RIC8B: variants seen among roughly 807,000 people sequenced by gnomAD.
RIC8B encodes the protein RIC8 guanine nucleotide exchange factor B.
A neutral mutation model predicts 57.5 loss-of-function variants in RIC8B; 16 were observed. The ratio of observed to expected loss-of-function variants is 0.28; its 90% CI spans 0.19 to 0.42. The LOEUF (loss-of-function observed/expected upper bound fraction) is 0.42. Among genes scored for constraint, RIC8B ranks in the 10% least tolerant of loss-of-function variants. The pLI is 1.00. For missense variants in RIC8B, 481 were observed against 677.0 expected (o/e 0.71, Z 3.21); for synonymous variants, 216 against 250.8 (o/e 0.86, Z 1.31).
chr12:106,787,603 CATG>C (rs960619010), intron 2 of RIC8B, among the ~76,000 whole-genome samples: 2 of 152,068 alleles, frequency 1.3e-5, no homozygotes, highest in African/African-American at 4.8e-5. Flanking sequence ...GCCTCAGAAT[CATG>C]GTGGGAGGTG....
intron 2 of RIC8B, among the ~76,000 whole-genome samples, chr12:106,810,303 AAAG>A (rs1488713398): frequency 2.7e-5 from 4 of 150,486 alleles, no homozygotes; most frequent in East Asian, 3.9e-4. Context: ...AAAAAAAAAA[AAAG>A]AAAGAAAAGA....
intron 3 of RIC8B, among the ~76,000 whole-genome samples, chr12:106,822,077 C>CAAAA (rs67378158): frequency 3.3e-3 from 125 of 38,018 alleles, no homozygotes; most frequent in African/African-American, 5.2e-3. Context: ...GACTCCATCT[C>CAAAA]AAAAAAAAAA....
intron 9 of RIC8B, among the ~76,000 whole-genome samples, chr12:106,883,694 T>C (rs1481522364): frequency 7.0e-6 from 1 of 143,878 alleles, no homozygotes; most frequent in Non-Finnish European, 1.6e-5. Context: ...GTCTGTCTCC[T>C]CCCCCACACA....
chr12:106,879,587 C>T lies in RIC8B; in HGVS notation c.1572-6317C>T. 14 of 985,134 alleles carry T rather than the reference C, an allele frequency of 1.4e-5. No homozygotes were observed. Among genetic ancestry groups the T allele is most frequent in the Non-Finnish European group, 1.7e-5 (14 of 829,826 alleles). 61.0% of individuals were successfully genotyped at this position (985,134 alleles called of 1,614,324 possible). On this transcript the variant is annotated intron_variant, in intron 9 of 9. Transcript: ENST00000392837. The surrounding 1 kb of genome is among the most constrained non-coding windows in gnomAD (Gnocchi z 4.9). The stretch of plus-strand genomic sequence containing the variant: ...AATATGGTGTAAATTCCGTATCTCC[C>T]ATCCCTAGCTCTTTAAGAAATTATT...
At position 106,815,058 on chromosome 12, in the gene RIC8B, G is replaced by A. The variant is rs144622945; in HGVS notation, c.495G>A (p.Leu165=). The A allele has an allele frequency of 1.1e-5, 18 of 1,614,228 alleles. No homozygotes were observed. The African/African-American group carries it at 2.1e-4, about 19-fold the overall frequency. ...TCAATGACATTAAGTGCTTTGACTT[G>A]CGCTTGCTCTTCCTTCTGTCACTTT... ...KFINDIKCFD[L]RLLFLLSLLH... is the part of the protein sequence containing the mutation. The change falls in exon 3 of 10, where the codon TTG becomes TTA. Residue 165 remains leucine (L), a synonymous_variant. Transcript: ENST00000392837.
chr12:106,779,731 A>C (rs959397248), intron 1 of RIC8B, among the ~76,000 whole-genome samples: 1 of 149,294 alleles, frequency 6.7e-6, no homozygotes, highest in African/African-American at 2.5e-5. Flanking sequence ...GGTTGAATCC[A>C]CAGATACAGA....
At chr12:106,812,608 T>C (rs2045385518) in intron 2 of RIC8B, among the ~76,000 whole-genome samples, 1 of 152,190 alleles carries the variant, frequency 6.6e-6, no homozygotes, top group African/African-American at 2.4e-5. Context: ...GATATTTCCT[T>C]CTTGAATAAA....
Position 106,842,829 on chromosome 12 carries a change from A to G in RIC8B, c.1065+12A>G, listed in dbSNP as rs778207718. 2 of 1,529,184 alleles carry G rather than the reference A, an allele frequency of 1.3e-6. No homozygotes were observed. Among genetic ancestry groups the G allele is most frequent in the Admixed American group, 3.4e-5 (2 of 59,262 alleles). The allele number at this position is 1,529,184 out of a possible 1,614,324, so 94.7% of individuals were successfully genotyped here. On this transcript the variant is annotated intron_variant, in intron 5 of 9. Coordinates refer to ENST00000392837, the MANE Select transcript of RIC8B (RefSeq NM_001330145.2). ...AGAGAATAGACAAGGTAAGGCTGAT[A>G]AAATGGAAGCCCTGGGAAGATGCTT...
intron 2 of RIC8B, among the ~76,000 whole-genome samples, chr12:106,794,023 T>G (rs942656579): frequency 2.2e-4 from 33 of 152,050 alleles, no homozygotes; most frequent in Non-Finnish European, 5.9e-5. Flanking sequence ...ATAAATATAT[T>G]CAGAGAACTA....
At chr12:106,853,609 C>T (rs1346590136) in intron 7 of RIC8B, among the ~76,000 whole-genome samples, 1 of 151,720 alleles carries the variant, frequency 6.6e-6, no homozygotes, top group Non-Finnish European at 1.5e-5. Flanking sequence ...GCTGGGACTA[C>T]AGGCACATGC....
chr12:106,882,985 G>A (rs1188136423), intron 9 of RIC8B, among the ~76,000 whole-genome samples: 2 of 152,294 alleles, frequency 1.3e-5, no homozygotes, highest in East Asian at 1.9e-4. Flanking sequence ...TAGGGAGCAA[G>A]GGTAAAGCTG....
chr12:106,777,772 T>C (rs1407619730), intron 1 of RIC8B, among the ~76,000 whole-genome samples: 1 of 152,206 alleles, frequency 6.6e-6, no homozygotes, highest in Non-Finnish European at 1.5e-5. Flanking sequence ...ATCACCATTC[T>C]CTTAAATTAT....
chr12:106,865,079 C>T (rs568462292), intron 8 of RIC8B, among the ~76,000 whole-genome samples: 5 of 152,064 alleles, frequency 3.3e-5, no homozygotes, highest in Non-Finnish European at 4.4e-5. Context: ...ATGTGTCTAC[C>T]GATATCTGTC....
chr12:106,777,162 G>A (rs571279390), intron 1 of RIC8B, among the ~76,000 whole-genome samples: 9 of 152,258 alleles, frequency 5.9e-5, no homozygotes, highest in African/African-American at 2.2e-4. Flanking sequence ...TGTGCCTGGC[G>A]AGAAAGCTCT....
At chr12:106,831,247 C>G (rs185300648) in intron 4 of RIC8B, among the ~76,000 whole-genome samples, 213 of 152,318 alleles carry the variant, frequency 1.4e-3, no homozygotes, top group Admixed American at 4.9e-3. Flanking sequence ...ACAGATGGCT[C>G]CATCTTCTCC....
intron 8 of RIC8B, among the ~76,000 whole-genome samples, chr12:106,869,456 T>G (rs1950296957): frequency 1.3e-5 from 2 of 152,022 alleles, no homozygotes; most frequent in South Asian, 4.2e-4. Context: ...CTTTTTTTTT[T>G]TTTAATTTAA....
chr12:106,791,265 A>T (rs1223943805), intron 2 of RIC8B, among the ~76,000 whole-genome samples: 1 of 152,238 alleles, frequency 6.6e-6, no homozygotes, highest in African/African-American at 2.4e-5. Flanking sequence ...CCACCTGTAT[A>T]GTTATTACTG....
At chr12:106,832,440 A>C (rs1293417175) in intron 4 of RIC8B, among the ~76,000 whole-genome samples, 3 of 151,876 alleles carry the variant, frequency 2.0e-5, no homozygotes, top group Non-Finnish European at 4.4e-5. Flanking sequence ...GGTGGTGGGC[A>C]CCTGTAGTCC....
At chr12:106,838,040 G>C (rs149425567) in intron 4 of RIC8B, among the ~76,000 whole-genome samples, 1 of 152,174 alleles carries the variant, frequency 6.6e-6, no homozygotes, top group Non-Finnish European at 1.5e-5. Context: ...ACAACTTGAT[G>C]AGTTTGGAAT....
Sources: gnomAD v4.1 joint callset for allele counts (sites outside exome capture counted in the v4.1 genomes callset) on GRCh38, gnomAD v4.1.1 for gene constraint, Gnocchi (gnomAD v3.1) non-coding constraint, MANE v1.5 for transcripts, NCBI Gene and HGNC (gene_info 2026-07-23, HGNC 2026-07-21) for gene names.